SPIDR: variants seen among roughly 807,000 people sequenced by gnomAD.
The protein encoded by SPIDR is DNA repair-scaffolding protein.
Under a neutral mutation model 104.6 loss-of-function variants are expected in SPIDR, and 93 were observed. The observed-to-expected ratio is 0.89, with a 90% CI of 0.75 to 1.06. The LOEUF is 1.06. SPIDR is among the 50% of genes least tolerant of loss of function. The pLI, the probability that SPIDR is intolerant of heterozygous loss-of-function variation, is 0.00. For missense variants in SPIDR, 1,154 were observed against 1,111.2 expected (o/e 1.04, Z -0.55); for synonymous variants, 431 against 416.9 (o/e 1.03, Z -0.41).
chr8:47,599,706 A>G (rs1401656792), intron 10 of SPIDR, among the ~76,000 whole-genome samples: 2 of 152,202 alleles, frequency 1.3e-5, no homozygotes, highest in East Asian at 1.9e-4. Context: ...GTGCAGACAA[A>G]TGTAGTAGAA....
intron 5 of SPIDR, among the ~76,000 whole-genome samples, chr8:47,304,877 G>C (rs1433105589): frequency 2.0e-5 from 3 of 152,196 alleles, no homozygotes; most frequent in Non-Finnish European, 4.4e-5. Flanking sequence ...CTCATGAATA[G>C]ATTAATATCA....
At chr8:47,590,309 G>A (rs187375590) in intron 8 of SPIDR, among the ~76,000 whole-genome samples, 97 of 151,984 alleles carry the variant, frequency 6.4e-4, no homozygotes, top group African/African-American at 2.1e-3. Flanking sequence ...TTTAAGTTCT[G>A]TAAAATTTCC....
chr8:47,606,002 T>C (rs2062893103), intron 10 of SPIDR, among the ~76,000 whole-genome samples: 1 of 152,142 alleles, frequency 6.6e-6, no homozygotes, highest in South Asian at 2.1e-4. Context: ...TCCCCACCTC[T>C]ACCCCTAGCA....
intron 7 of SPIDR, among the ~76,000 whole-genome samples, chr8:47,408,405 T>G (rs1326563803): frequency 6.6e-6 from 1 of 152,170 alleles, no homozygotes; most frequent in Non-Finnish European, 1.5e-5. Context: ...GACCACAGGC[T>G]TTTTCCACCG....
chr8:47,582,910 G>A (rs1277708174), intron 8 of SPIDR, among the ~76,000 whole-genome samples: 8 of 142,878 alleles, frequency 5.6e-5, no homozygotes, highest in Admixed American at 2.8e-4. Flanking sequence ...ACACACACAC[G>A]TATATTTTTA....
At chr8:47,308,034 G>T (rs1336099828) in intron 5 of SPIDR, among the ~76,000 whole-genome samples, 1 of 151,872 alleles carries the variant, frequency 6.6e-6, no homozygotes, top group Non-Finnish European at 1.5e-5. Context: ...CTGGAAATTA[G>T]ATTCTCCCTC....
chr8:47,607,052 C>T (rs544099132), intron 10 of SPIDR, among the ~76,000 whole-genome samples: 2 of 152,206 alleles, frequency 1.3e-5, no homozygotes, highest in Non-Finnish European at 2.9e-5. Flanking sequence ...CATCCATCTG[C>T]TTAGCATCAC....
chr8:47,654,818 TG>T (rs2072415979), intron 10 of SPIDR, among the ~76,000 whole-genome samples: 1 of 152,202 alleles, frequency 6.6e-6, no homozygotes. Flanking sequence ...GTTGGTGTGC[TG>T]CACCCAGTAA....
intron 5 of SPIDR, among the ~76,000 whole-genome samples, chr8:47,313,005 C>A (rs782112316): frequency 6.6e-6 from 1 of 152,160 alleles, no homozygotes; most frequent in Non-Finnish European, 1.5e-5. Context: ...TGGCACAAGA[C>A]AGGGATGCCC....
intron 10 of SPIDR, among the ~76,000 whole-genome samples, chr8:47,600,236 C>G (rs908980631): frequency 2.0e-5 from 3 of 152,162 alleles, no homozygotes. Context: ...CCTGGCCGGG[C>G]ATGGTTGCTC....
At chr8:47,589,770 GC>G (rs2060765992) in intron 8 of SPIDR, among the ~76,000 whole-genome samples, 2 of 152,144 alleles carry the variant, frequency 1.3e-5, no homozygotes, top group East Asian at 3.9e-4. Flanking sequence ...TGTATCTTCT[GC>G]CTTTTTTCAT....
At chr8:47,375,697 C>T (rs1587891877) in intron 5 of SPIDR, among the ~76,000 whole-genome samples, 2 of 152,120 alleles carry the variant, frequency 1.3e-5, no homozygotes, top group African/African-American at 4.8e-5. Flanking sequence ...AATTCCTGGG[C>T]TCAGGGGATC....
At chr8:47,685,509 ATTTATTTATTTT>A (rs1295271089) in intron 11 of SPIDR, among the ~76,000 whole-genome samples, 3 of 106,866 alleles carry the variant, frequency 2.8e-5, no homozygotes, top group African/African-American at 8.2e-5. Context: ...TTATTTATTT[ATTTATTTATTTT>A]TTTGAGACAG....
intron 8 of SPIDR, among the ~76,000 whole-genome samples, chr8:47,509,396 C>G (rs1414576929): frequency 6.6e-6 from 1 of 152,166 alleles, no homozygotes; most frequent in East Asian, 1.9e-4. Context: ...ATTTCTACAT[C>G]TGTATTTTAT....
intron 14 of SPIDR, among the ~76,000 whole-genome samples, chr8:47,706,665 A>G (rs1319117806): frequency 6.6e-6 from 1 of 152,146 alleles, no homozygotes; most frequent in Non-Finnish European, 1.5e-5. Context: ...GTTCTCTGTC[A>G]TTATAATTAT....
intron 5 of SPIDR, among the ~76,000 whole-genome samples, chr8:47,313,099 T>A (rs1286431209): frequency 6.6e-6 from 1 of 152,122 alleles, no homozygotes; most frequent in Admixed American, 6.5e-5. Flanking sequence ...GGTATTCAAT[T>A]AGGAAAAGAG....
At chr8:47,398,688 A>G (rs75164958) in intron 6 of SPIDR, among the ~76,000 whole-genome samples, 348 of 152,190 alleles carry the variant, frequency 2.3e-3, no homozygotes, top group Non-Finnish European at 3.5e-3. Flanking sequence ...GGCGTTGGAG[A>G]TGTGAATGCG....
chr8:47,505,428 T>C (rs1006753689), intron 8 of SPIDR, among the ~76,000 whole-genome samples: 1 of 152,176 alleles, frequency 6.6e-6, no homozygotes, highest in African/African-American at 2.4e-5. Context: ...CATAGGACCC[T>C]CCAAGCCATG....
intron 10 of SPIDR, among the ~76,000 whole-genome samples, chr8:47,666,579 A>G (rs1412370993): frequency 6.6e-6 from 1 of 152,220 alleles, no homozygotes; most frequent in Non-Finnish European, 1.5e-5. Context: ...TTTCTGATCT[A>G]CAGTCTTCTA....
Sources: gnomAD v4.1 joint callset for allele counts (sites outside exome capture counted in the v4.1 genomes callset) on GRCh38, gnomAD v4.1.1 for gene constraint, MANE v1.5 for transcripts, NCBI Gene and HGNC (gene_info 2026-07-23, HGNC 2026-07-21) for gene names.